Variants in PKP4 observed in about 807,000 individuals in gnomAD.
PKP4 encodes the protein plakophilin 4, also known as plakophilin-4.
Under a neutral mutation model 145.1 loss-of-function variants are expected in PKP4, and 90 were observed. That is an observed-to-expected ratio of 0.62 (90% CI 0.52 to 0.74). The LOEUF (loss-of-function observed/expected upper bound fraction) is 0.74. PKP4 is among the 30% of genes least tolerant of loss of function. PKP4 has a pLI of 0.00. For synonymous variants in PKP4, 563 were observed against 577.2 expected (o/e 0.98, Z 0.35); for missense variants, 1,340 against 1,482.7 (o/e 0.90, Z 1.58).
chr2:158,510,863 C>A (rs1175127061), intron 1 of PKP4, among the ~76,000 whole-genome samples: 1 of 152,238 alleles, frequency 6.6e-6, no homozygotes, highest in African/African-American at 2.4e-5. Context: ...TGCAGAGGGA[C>A]CCCTTCCAAA....
intron 11 of PKP4, among the ~76,000 whole-genome samples, chr2:158,657,476 G>C (rs371571833): frequency 6.6e-6 from 1 of 152,126 alleles, no homozygotes; most frequent in African/African-American, 2.4e-5. Context: ...TGACAGTAAC[G>C]TGTGTTTCTA....
Position 158,639,008 on chromosome 2 carries a change from A to G in PKP4, c.1563-1619A>G, listed in dbSNP as rs2054044611. Among the ~76,000 whole-genome samples the G allele has an allele frequency of 1.3e-5, 2 of 152,194 alleles. 1 individual carries two copies. The highest frequency in any genetic ancestry group is 4.1e-4 in the South Asian group (2 of 4,834). On this transcript the variant is annotated intron_variant, in intron 9 of 21. Transcript: ENST00000389759. ...GCCTTCATTCCTTATGTGTAGGCAC[A>G]CATATAGACCACCTGGGTTTCACTA...
At chr2:158,591,541 T>C (rs1303551627) in intron 3 of PKP4, among the ~76,000 whole-genome samples, 1 of 152,046 alleles carries the variant, frequency 6.6e-6, no homozygotes, top group Non-Finnish European at 1.5e-5. Flanking sequence ...TGTTATACTG[T>C]TTTTTATTGT....
At chr2:158,501,364 T>G (rs568020154) in intron 1 of PKP4, among the ~76,000 whole-genome samples, 178 of 152,362 alleles carry the variant, frequency 1.2e-3, no homozygotes, top group African/African-American at 4.1e-3. Flanking sequence ...ATGAACCATT[T>G]TATTTCTAAT....
chr2:158,578,261 C>T, intron 3 of PKP4: 1 of 193,196 alleles, frequency 5.2e-6, no homozygotes. Context: ...AACTATTGGG[C>T]TGGTAAGTTG....
Position 158,617,323 on chromosome 2 carries a change from AT to A in PKP4, c.281-3655del, listed in dbSNP as rs540649519. Among the ~76,000 whole-genome samples the A allele has an allele frequency of 4.9e-3, 727 of 148,520 alleles. 6 individuals are homozygous for A. Among genetic ancestry groups the A allele is most frequent in the Admixed American group, 0.011 (162 of 14,906 alleles). ...GGTGTCCCAGAAAACATGTTTGTGAATTTTTTTTTTTTAAACCAACACATGT... is the reference window on the plus strand; with the variant it reads ...GGTGTCCCAGAAAACATGTTTGTGAATTTTTTTTTTTAAACCAACACATGT... On this transcript the variant is annotated intron_variant, in intron 4 of 21. Transcript: ENST00000389759.
At chr2:158,477,796 G>C (rs1271882536) in intron 1 of PKP4, among the ~76,000 whole-genome samples, 3 of 152,176 alleles carry the variant, frequency 2.0e-5, no homozygotes, top group Non-Finnish European at 2.9e-5. Flanking sequence ...AGTACACTGT[G>C]ATCCTACCTG....
intron 2 of PKP4, among the ~76,000 whole-genome samples, chr2:158,538,913 A>T (rs2105652989): frequency 6.6e-6 from 1 of 152,310 alleles, no homozygotes; most frequent in South Asian, 2.1e-4. Flanking sequence ...GTTGAGGCCA[A>T]TCCAGATAGC....
intron 1 of PKP4, among the ~76,000 whole-genome samples, chr2:158,515,277 G>C (rs2041841277): frequency 6.6e-6 from 1 of 152,126 alleles, no homozygotes; most frequent in East Asian, 1.9e-4. Context: ...AGTAGGCTGG[G>C]CTTTTTTTCT....
chr2:158,661,002 C>T (rs985176241), intron 12 of PKP4: 3 of 167,528 alleles, frequency 1.8e-5, no homozygotes, highest in Non-Finnish European at 3.9e-5. Context: ...TTCACAGCAA[C>T]CCTGTGAGGT....
At chr2:158,492,103 C>T (rs1013024252) in intron 1 of PKP4, among the ~76,000 whole-genome samples, 1 of 151,964 alleles carries the variant, frequency 6.6e-6, no homozygotes, top group African/African-American at 2.4e-5. Context: ...CCCACTGCAC[C>T]GGGCCCCTTT....
chr2:158,573,730 G>T (rs1040797847), intron 2 of PKP4, among the ~76,000 whole-genome samples: 2 of 152,162 alleles, frequency 1.3e-5, no homozygotes, highest in African/African-American at 4.8e-5. Flanking sequence ...ACTTGTCAGG[G>T]ATCAACACCT....
At chr2:158,630,185 C>G (rs568502536) in intron 7 of PKP4, among the ~76,000 whole-genome samples, 1 of 152,054 alleles carries the variant, frequency 6.6e-6, no homozygotes, top group African/African-American at 2.4e-5. Context: ...ATTTTACTTA[C>G]CAATAATGGA....
At chr2:158,560,161 C>T (rs1016982205) in intron 2 of PKP4, among the ~76,000 whole-genome samples, 8 of 152,292 alleles carry the variant, frequency 5.3e-5, no homozygotes, top group African/African-American at 1.9e-4. Context: ...GCCACCGTGC[C>T]TGGCTGGCAT....
At chr2:158,626,313 C>G (rs1187225475) in intron 7 of PKP4, among the ~76,000 whole-genome samples, 1 of 152,136 alleles carries the variant, frequency 6.6e-6, no homozygotes, top group South Asian at 2.1e-4. Context: ...ATCTTCTATA[C>G]TTTGTTCTTT....
chr2:158,515,709 T>C (rs940320970), intron 1 of PKP4, among the ~76,000 whole-genome samples: 2 of 152,166 alleles, frequency 1.3e-5, no homozygotes, highest in African/African-American at 4.8e-5. Context: ...TTGTGGGATT[T>C]CCCAAAGTAT....
intron 3 of PKP4, among the ~76,000 whole-genome samples, chr2:158,589,404 T>G (rs1474666970): frequency 2.6e-5 from 4 of 152,166 alleles, no homozygotes; most frequent in Non-Finnish European, 4.4e-5. Flanking sequence ...ATTTACCTCC[T>G]TCTTGCCACT....
chr2:158,545,666 C>A (rs2044963687), intron 2 of PKP4, among the ~76,000 whole-genome samples: 1 of 152,060 alleles, frequency 6.6e-6, no homozygotes, highest in South Asian at 2.1e-4. Context: ...CATATTTACC[C>A]CCTAGGTTTA....
At chr2:158,546,655 G>T (rs78625242) in intron 2 of PKP4, among the ~76,000 whole-genome samples, 335 of 152,290 alleles carry the variant, frequency 2.2e-3, no homozygotes, top group African/African-American at 7.8e-3. Context: ...GTGCAGCTCA[G>T]AGGATAGAAG....
Sources: gnomAD v4.1 joint callset for allele counts (sites outside exome capture counted in the v4.1 genomes callset) on GRCh38, gnomAD v4.1.1 for gene constraint, MANE v1.5 for transcripts, NCBI Gene and HGNC (gene_info 2026-07-23, HGNC 2026-07-21) for gene names.